The following AGAP3 variants were observed in gnomAD, a reference collection of about 807,000 sequenced individuals.
AGAP3 encodes the protein arf-GAP with GTPase, ANK repeat and PH domain-containing protein 3.
Under a neutral mutation model 96.9 loss-of-function variants are expected in AGAP3, and 24 were observed. The observed-to-expected ratio is 0.25, with a 90% CI of 0.18 to 0.35. The LOEUF (loss-of-function observed/expected upper bound fraction) is 0.35. AGAP3 is among the 10% of genes least tolerant of loss of function. The probability of loss-of-function intolerance (pLI) is 1.00; values close to 1 mark genes in which losing one functional copy is unlikely to be tolerated. For missense variants in AGAP3, 876 were observed against 1,254.2 expected (o/e 0.70, Z 4.55); for synonymous variants, 563 against 536.1 (o/e 1.05, Z -0.69).
At chr7:151,138,355 C>T in intron 12 of AGAP3, 42 bp downstream of exon 12, 3 of 1,567,036 alleles carry the variant, frequency 1.9e-6, no homozygotes, top group Non-Finnish European at 2.6e-6. Context: ...TCTGGGGCCC[C>T]AGTGACAGAG....
chr7:151,139,971 C>G lies in AGAP3; in HGVS notation c.1667-8C>G, dbSNP rs367954727. On this transcript the variant is annotated splice_polypyrimidine_tract_variant and splice_region_variant and intron_variant, in intron 12 of 17. Coordinates refer to ENST00000397238, the MANE Select transcript of AGAP3 (RefSeq NM_031946.7). This position sits in a 1 kb window ranked among gnomAD's most constrained non-coding sequence, Gnocchi z 4.9. ...CTTCCCACACTTCTCCAACTCTCCCCTCACCAGCCAGTGGCCCAGCTGAGG... is the reference window on the plus strand; with the variant it reads ...CTTCCCACACTTCTCCAACTCTCCCGTCACCAGCCAGTGGCCCAGCTGAGG... 28 of 1,547,222 alleles carry G rather than the reference C, an allele frequency of 1.8e-5. 2 individuals are homozygous for G. The highest frequency in any genetic ancestry group is 2.1e-5 in the Non-Finnish European group (24 of 1,147,648).
intron 1 of AGAP3, among the ~76,000 whole-genome samples, chr7:151,105,508 C>T (rs1186794493): frequency 1.3e-5 from 2 of 151,204 alleles, no homozygotes; most frequent in Non-Finnish European, 2.9e-5. Flanking sequence ...GTAATCCCAG[C>T]ACTTTGGGAG....
At chr7:151,127,398 C>A (rs887468308) in intron 9 of AGAP3, among the ~76,000 whole-genome samples, 1 of 152,158 alleles carries the variant, frequency 6.6e-6, no homozygotes, top group Non-Finnish European at 1.5e-5. Context: ...TTCAAGTCTC[C>A]CTGCTGGGGG....
At chr7:151,125,886 C>T in intron 9 of AGAP3, among the ~76,000 whole-genome samples, 1 of 152,264 alleles carries the variant, frequency 6.6e-6, no homozygotes, top group Non-Finnish European at 1.5e-5. Context: ...GCTGTCGCCT[C>T]CGCGCCTCTG....
intron 1 of AGAP3, among the ~76,000 whole-genome samples, chr7:151,110,134 C>G (rs1799221585): frequency 6.6e-6 from 1 of 152,222 alleles, no homozygotes; most frequent in Non-Finnish European, 1.5e-5. Context: ...CCTGTGACTT[C>G]TCTCAAAAGA....
At chr7:151,128,479 G>T in intron 9 of AGAP3, 101 bp from the exon 10 acceptor site, 3 of 949,128 alleles carry the variant, frequency 3.2e-6, no homozygotes, top group South Asian at 2.9e-5. Context: ...CCCAGGAGAA[G>T]CGGGGAGGGG....
intron 8 of AGAP3, chr7:151,120,883 A>C: frequency 9.0e-7 from 1 of 1,114,920 alleles, no homozygotes; most frequent in Non-Finnish European, 1.1e-6. Flanking sequence ...TCCACTCCCA[A>C]TGTGCGACAC....
chr7:151,109,543 C>A (rs1249477942), intron 1 of AGAP3, among the ~76,000 whole-genome samples: 1 of 152,158 alleles, frequency 6.6e-6, no homozygotes, highest in Non-Finnish European at 1.5e-5. Flanking sequence ...GCCCAAATTC[C>A]CCCCTTTTAT....
Position 151,096,203 on chromosome 7 carries a change from G to A in AGAP3, c.331+9131G>A, listed in dbSNP as rs181192415. 2.8e-4 allele frequency among the ~76,000 whole-genome samples: 43 copies of A among 152,310 alleles called. 1 individual carries two copies. The highest frequency in any genetic ancestry group is 9.6e-4 in the African/African-American group (40 of 41,572). On this transcript the variant is annotated intron_variant, in intron 1 of 17. Coordinates refer to ENST00000397238, the MANE Select transcript of AGAP3 (RefSeq NM_031946.7). The surrounding 1 kb of genome is among the most constrained non-coding windows in gnomAD (Gnocchi z 4.4). Reference sequence around the variant, plus strand: ...AGGCTCAGCTGTCATCACCGCCTGCGTGGGGATGCGTGAGGTGAGGGCTGC... The same window carrying A: ...AGGCTCAGCTGTCATCACCGCCTGCATGGGGATGCGTGAGGTGAGGGCTGC...
Position 151,114,091 on chromosome 7 carries a change from T to C in AGAP3, c.332-2702T>C, listed in dbSNP as rs1215223346. Among the ~76,000 whole-genome samples, 1 of 152,198 alleles carries C rather than the reference T, an allele frequency of 6.6e-6. No individual in the cohort carries two copies. Among genetic ancestry groups the C allele is most frequent in the Non-Finnish European group, 1.5e-5 (1 of 68,042 alleles). Reference sequence around the variant, plus strand: ...GGACGCTTAACTCAGTCCAGACAGATGAGTATCTTCTGGATTTTATAATCT... The same window carrying C: ...GGACGCTTAACTCAGTCCAGACAGACGAGTATCTTCTGGATTTTATAATCT... On this transcript the variant is annotated intron_variant, in intron 1 of 17. Coordinates refer to ENST00000397238, the MANE Select transcript of AGAP3 (RefSeq NM_031946.7). This position sits in a 1 kb window ranked among gnomAD's most constrained non-coding sequence, Gnocchi z 4.4.
At position 151,142,231 on chromosome 7, in the gene AGAP3, T is replaced by A. The variant is rs369005141; in HGVS notation, c.2028T>A (p.Phe676Leu). ...TCCGCACCGTCCGCGGCAACAGCTT[T>A]TGTATCGACTGCGATGCACCCAGTG... Reference protein sequence around the residue: ...QAVRTVRGNSFCIDCDAPNPD... With the variant: ...QAVRTVRGNSLCIDCDAPNPD... Residue 676 changes from phenylalanine (F) to leucine (L), a missense_variant, in exon 15 of 18, where the codon TTT becomes TTA. Physicochemically the swap from Phe to Leu is conservative, Grantham distance 22. Around this residue, in one of 8 missense-constraint regions of AGAP3, gnomAD observed 103 missense variants for 183.0 expected, o/e 0.56. Coordinates refer to ENST00000397238, the MANE Select transcript of AGAP3 (RefSeq NM_031946.7). This position sits in a 1 kb window ranked among gnomAD's most constrained non-coding sequence, Gnocchi z 7.5. 3.1e-6 allele frequency: 5 copies of A among 1,613,428 alleles called. No individual in the cohort carries two copies. The highest frequency in any genetic ancestry group is 3.4e-6 in the Non-Finnish European group (4 of 1,179,990).
chr7:151,143,330 T>C lies in AGAP3; in HGVS notation c.2274-11T>C. 6.2e-7 allele frequency: 1 copy of C among 1,602,808 alleles called. No homozygotes were observed. Among genetic ancestry groups the C allele is most frequent in the Non-Finnish European group, 8.5e-7 (1 of 1,172,880 alleles). On this transcript the variant is annotated splice_polypyrimidine_tract_variant and intron_variant, in intron 16 of 17. Transcript: ENST00000397238. This position sits in a 1 kb window ranked among gnomAD's most constrained non-coding sequence, Gnocchi z 5.9. Reference sequence around the variant, plus strand: ...TCCTTGGCTCATGCCCTGATGGGCCTGTGGTTGCAGAGAGGAGAAGGAACG... The same window carrying C: ...TCCTTGGCTCATGCCCTGATGGGCCCGTGGTTGCAGAGAGGAGAAGGAACG...
At chr7:151,107,242 G>A (rs1403198753) in intron 1 of AGAP3, among the ~76,000 whole-genome samples, 2 of 151,914 alleles carry the variant, frequency 1.3e-5, no homozygotes, top group African/African-American at 4.8e-5. Flanking sequence ...CCCGGGAGGC[G>A]GAGGTTGTAG....
At chr7:151,129,523 A>G (rs1436389234) in intron 10 of AGAP3, among the ~76,000 whole-genome samples, 1 of 152,184 alleles carries the variant, frequency 6.6e-6, no homozygotes, top group African/African-American at 2.4e-5. Flanking sequence ...GCTTCTGGGT[A>G]TCTGACCATC....
At chr7:151,107,166 C>T (rs1487019861) in intron 1 of AGAP3, among the ~76,000 whole-genome samples, 2 of 151,932 alleles carry the variant, frequency 1.3e-5, no homozygotes, top group African/African-American at 4.8e-5. Flanking sequence ...AAAATTTAGC[C>T]GGATGTGGTG....
At chr7:151,126,362 GAGCA>G (rs1460760485) in intron 9 of AGAP3, among the ~76,000 whole-genome samples, 8 of 8,730 alleles carry the variant, frequency 9.2e-4, no homozygotes, top group African/African-American at 2.2e-3. Context: ...GAGCGGAGCA[GAGCA>G]GAGCGGAGCG....
At chr7:151,107,310 C>CA (rs1349995253) in intron 1 of AGAP3, among the ~76,000 whole-genome samples, 4,566 of 69,838 alleles carry the variant, frequency 0.065, 112 homozygotes, top group African/African-American at 0.1. Flanking sequence ...GACTCCGGCT[C>CA]AAAAAAAAAA....
intron 1 of AGAP3, 53 bp from the exon 2 acceptor site, chr7:151,116,740 G>A (rs1318415315): frequency 6.2e-7 from 1 of 1,606,210 alleles, no homozygotes; most frequent in Non-Finnish European, 8.5e-7. Context: ...GCAGTGGTTG[G>A]GACAGGTGTG....
intron 11 of AGAP3, chr7:151,136,626 A>G (rs896373094): frequency 6.6e-6 from 1 of 152,222 alleles, no homozygotes; most frequent in Admixed American, 6.5e-5. Context: ...ATTACAGTGC[A>G]CACTGATTGT....
Sources: allele counts gnomAD v4.1 joint callset (sites outside exome capture counted in the v4.1 genomes callset), GRCh38; gene constraint gnomAD v4.1.1; regional missense constraint gnomAD v4.1.1; non-coding constraint Gnocchi (gnomAD v3.1); transcripts MANE v1.5; gene names NCBI Gene and HGNC (gene_info 2026-07-23, HGNC 2026-07-21).